The following GIGYF2 variants were observed in gnomAD, a reference collection of about 807,000 sequenced individuals.
GIGYF2 encodes the protein GRB10-interacting GYF protein 2.
Under a neutral mutation model 208.1 loss-of-function variants are expected in GIGYF2, and 25 were observed. The ratio of observed to expected loss-of-function variants is 0.12; its 90% confidence interval spans 0.09 to 0.17. GIGYF2 has a LOEUF of 0.17. Among genes scored for constraint, GIGYF2 ranks in the 10% least tolerant of loss-of-function variants. The pLI is 1.00. For synonymous variants in GIGYF2, 534 were observed against 543.8 expected (o/e 0.98, Z 0.25); for missense variants, 1,302 against 1,579.4 (o/e 0.82, Z 2.98).
intron 3 of GIGYF2, among the ~76,000 whole-genome samples, chr2:232,739,676 A>G (rs1574824713): frequency 6.6e-6 from 1 of 152,226 alleles, no homozygotes; most frequent in African/African-American, 2.4e-5. Context: ...TGTCTCCCAA[A>G]AAGGAAAAGA....
chr2:232,778,795 A>C (rs1647520053), intron 8 of GIGYF2, among the ~76,000 whole-genome samples: 2 of 152,118 alleles, frequency 1.3e-5, no homozygotes, highest in Admixed American at 1.3e-4. Flanking sequence ...AAATGAGGGG[A>C]GGAAATGTAT....
intron 26 of GIGYF2, 89 bp downstream of exon 26, chr2:232,845,975 CA>C (rs1701989674): frequency 9.4e-6 from 8 of 848,900 alleles, no homozygotes; most frequent in Middle Eastern, 2.3e-4. Flanking sequence ...GGCCAAAAGT[CA>C]AAAGATGAAA....
At chr2:232,773,875 C>T (rs1699388734) in intron 8 of GIGYF2, among the ~76,000 whole-genome samples, 1 of 143,042 alleles carries the variant, frequency 7.0e-6, no homozygotes, top group Admixed American at 7.2e-5. Flanking sequence ...AGTTAGAGAC[C>T]AGCCTAGGCA....
chr2:232,820,013 G>A, intron 21 of GIGYF2, 28 bp downstream of exon 21: 1 of 1,612,290 alleles, frequency 6.2e-7, no homozygotes, highest in South Asian at 1.1e-5. Flanking sequence ...TCTTCTAATT[G>A]TTCCTTTGAA....
intron 23 of GIGYF2, among the ~76,000 whole-genome samples, chr2:232,843,651 A>T (rs913116506): frequency 4.6e-5 from 7 of 151,660 alleles, no homozygotes; most frequent in African/African-American, 1.7e-4. Flanking sequence ...AGGTGGGCAG[A>T]TCGCTTGAGG....
intron 5 of GIGYF2, among the ~76,000 whole-genome samples, chr2:232,751,676 T>C (rs1698341083): frequency 6.6e-6 from 1 of 152,198 alleles, no homozygotes; most frequent in Non-Finnish European, 1.5e-5. Flanking sequence ...AGAGACTAAA[T>C]ATATCAGAAG....
intron 26 of GIGYF2, among the ~76,000 whole-genome samples, chr2:232,846,475 G>T (rs1043277258): frequency 1.3e-5 from 2 of 152,068 alleles, no homozygotes; most frequent in Non-Finnish European, 2.9e-5. Context: ...AACATGTCAG[G>T]ATTCCCCTAA....
At chr2:232,831,013 A>G (rs1701411731) in intron 21 of GIGYF2, among the ~76,000 whole-genome samples, 1 of 152,176 alleles carries the variant, frequency 6.6e-6, no homozygotes, top group Non-Finnish European at 1.5e-5. Flanking sequence ...AGTTTTTCTC[A>G]TGAATAGACT....
chr2:232,785,901 A>G (rs1045747981), intron 8 of GIGYF2, among the ~76,000 whole-genome samples: 5 of 152,226 alleles, frequency 3.3e-5, no homozygotes, highest in African/African-American at 1.2e-4. Context: ...TGAGTTTGTC[A>G]TTATGAGAAC....
rs1476424950 is a variant in GIGYF2, at chr2:232,806,686, C to T, written c.1806+29C>T. ...AGTACCTTTCACCTCACCTGGAATA[C>T]ATATTAGTCACGGAAACACTTGATT... On this transcript the variant is annotated intron_variant, in intron 15 of 28. Coordinates refer to ENST00000373563, the MANE Select transcript of GIGYF2 (RefSeq NM_001103146.3). The surrounding 1 kb of genome is among the most constrained non-coding windows in gnomAD (Gnocchi z 4.0). 1.3e-6 allele frequency: 2 copies of T among 1,486,742 alleles called. No homozygotes were observed. Among genetic ancestry groups the T allele is most frequent in the East Asian group, 2.3e-5 (1 of 44,272 alleles). The allele number at this position is 1,486,742 out of a possible 1,614,324, so 92.1% of individuals were successfully genotyped here. A position where few individuals can be genotyped will look rare whatever the true frequency, so the allele number is the denominator to read the frequency against.
intron 8 of GIGYF2, among the ~76,000 whole-genome samples, chr2:232,763,730 C>T (rs1698836245): frequency 6.6e-6 from 1 of 151,636 alleles, no homozygotes; most frequent in Admixed American, 6.6e-5. Flanking sequence ...CTGAGGGAGA[C>T]TGAGGCAGGG....
Position 232,856,785 on chromosome 2 carries a change from T to G in GIGYF2, c.3833-8T>G, listed in dbSNP as rs1379513599. ...TGTGGTCACTCATAGCCAGTTTTTT[T>G]TCTGCAGGATTTTCAGTCAATGCAT... On this transcript the variant is annotated splice_polypyrimidine_tract_variant and splice_region_variant and intron_variant, in intron 28 of 28. Transcript: ENST00000373563. 6.2e-7 allele frequency: 1 copy of G among 1,609,450 alleles called. No individual in the cohort carries two copies. Among genetic ancestry groups the G allele is most frequent in the Admixed American group, 1.7e-5 (1 of 60,028 alleles).
At chr2:232,793,380 G>A (rs1700128237) in intron 12 of GIGYF2, among the ~76,000 whole-genome samples, 1 of 152,166 alleles carries the variant, frequency 6.6e-6, no homozygotes, top group African/African-American at 2.4e-5. Flanking sequence ...TCAGGACTCA[G>A]TCATTGACTG....
At position 232,760,571 on chromosome 2, in the gene GIGYF2, A is replaced by G; in HGVS notation, c.471A>G (p.Arg157=). The change falls in exon 7 of 29, where the codon AGA becomes AGG. Residue 157 remains arginine (R), a synonymous_variant. Transcript: ENST00000373563. ...FGRGGGREMH[R]SQSWEERGDR... Reference sequence around the variant, plus strand: ...GAGGAGGTGGCAGAGAAATGCATAGATCGCAGAGCTGGGAGGAAAGGTAAC... The same window carrying G: ...GAGGAGGTGGCAGAGAAATGCATAGGTCGCAGAGCTGGGAGGAAAGGTAAC... 1.2e-6 allele frequency: 2 copies of G among 1,610,180 alleles called. No homozygotes were observed. The highest frequency in any genetic ancestry group is 1.7e-4 in the Middle Eastern group (1 of 6,058).
intron 19 of GIGYF2, 65 bp from the exon 20 acceptor site, chr2:232,816,806 C>A: frequency 8.4e-7 from 1 of 1,194,184 alleles, no homozygotes; most frequent in East Asian, 2.3e-5. Context: ...TACTACTGGT[C>A]AGTGCTTTCG....
intron 22 of GIGYF2, among the ~76,000 whole-genome samples, chr2:232,837,961 G>C (rs1305619823): frequency 2.0e-5 from 3 of 152,116 alleles, no homozygotes; most frequent in African/African-American, 7.2e-5. Context: ...AGGCATTCGG[G>C]GGTCCCTATT....
At chr2:232,818,495 A>G (rs1302769073) in intron 20 of GIGYF2, among the ~76,000 whole-genome samples, 1 of 152,156 alleles carries the variant, frequency 6.6e-6, no homozygotes, top group Non-Finnish European at 1.5e-5. Flanking sequence ...CTGCCTATAG[A>G]TATCCAGTTT....
intron 22 of GIGYF2, among the ~76,000 whole-genome samples, chr2:232,835,841 A>C (rs1171663927): frequency 6.6e-6 from 1 of 151,994 alleles, no homozygotes; most frequent in African/African-American, 2.4e-5. Context: ...TTGCTAGCTG[A>C]TTGCTCTGTT....
intron 3 of GIGYF2, among the ~76,000 whole-genome samples, chr2:232,737,597 G>A (rs1398116304): frequency 6.6e-6 from 1 of 152,120 alleles, no homozygotes; most frequent in Middle Eastern, 3.2e-3. Flanking sequence ...GGAGTAGAGA[G>A]TACTACCTAA....
Sources: gnomAD v4.1 joint callset for allele counts (sites outside exome capture counted in the v4.1 genomes callset) on GRCh38, gnomAD v4.1.1 for gene constraint, Gnocchi (gnomAD v3.1) non-coding constraint, MANE v1.5 for transcripts, NCBI Gene and HGNC (gene_info 2026-07-23, HGNC 2026-07-21) for gene names.